The following KY variants were observed in gnomAD, a reference collection of about 807,000 sequenced individuals.
KY encodes the protein kyphoscoliosis peptidase.
KY carries 43 observed loss-of-function variants against 76.1 expected under a neutral mutation model. The ratio of observed to expected loss-of-function variants is 0.57; its 90% CI spans 0.44 to 0.73. The LOEUF (loss-of-function observed/expected upper bound fraction) is 0.73. Among genes scored for constraint, KY ranks in the 30% least tolerant of loss-of-function variants. The pLI is 0.00. For synonymous variants in KY, 277 were observed against 326.2 expected, an observed-to-expected ratio of 0.85 and a Z score of 1.63; for missense variants, 722 against 828.9, an observed-to-expected ratio of 0.87 and a Z score of 1.58.
intron 10 of KY, chr3:134,608,202 A>C (rs1959597313): frequency 8.5e-7 from 1 of 1,181,710 alleles, no homozygotes; most frequent in South Asian, 1.6e-5. Flanking sequence ...AGAACACAGC[A>C]GGCCAGTAGC....
intron 1 of KY, among the ~76,000 whole-genome samples, chr3:134,648,178 G>A (rs773520207): frequency 1.3e-5 from 2 of 152,312 alleles, no homozygotes; most frequent in African/African-American, 2.4e-5. Context: ...AGATCCTGGC[G>A]CGGAAGGAGT....
At position 134,629,666 on chromosome 3, in the gene KY, G is replaced by A. The variant is rs755018282; in HGVS notation, c.292C>T (p.Arg98Ter). Residue 98 changes from arginine to a stop codon, truncating the protein, a stop_gained, in exon 4 of 11, where the codon CGA becomes TGA. Transcript: ENST00000423778. LOFTEE classifies it high-confidence loss of function. ...GTQLTVEVHP[R>*]DAMPQLLKKF... ...TTGAGCAGCTGGGGCATGGCATCTC[G>A]AGGGTGGACTTCCACAGTCAGTTGT... 10 of 1,598,934 alleles carry A rather than the reference G, an allele frequency of 6.3e-6. No homozygotes were observed. The highest frequency in any genetic ancestry group is 1.1e-5 in the South Asian group (1 of 88,010).
chr3:134,650,450 G>C (rs373319390), intron 1 of KY, among the ~76,000 whole-genome samples: 66 of 152,300 alleles, frequency 4.3e-4, no homozygotes, highest in East Asian at 1.6e-3. Flanking sequence ...TGTGCTGTGG[G>C]GGGGAGCAGG....
chr3:134,614,393 A>G (rs748571226), intron 8 of KY, among the ~76,000 whole-genome samples: 41 of 152,232 alleles, frequency 2.7e-4, no homozygotes, highest in Admixed American at 2.0e-3. Context: ...CCAAGCCACA[A>G]TGAAAACATG....
At chr3:134,608,356 T>C (rs1413743472) in intron 10 of KY, 1 of 1,334,936 alleles carries the variant, frequency 7.5e-7, no homozygotes, top group East Asian at 4.0e-5. Context: ...GTGTTCAGCC[T>C]TCAAGTTCTA....
intron 1 of KY, among the ~76,000 whole-genome samples, chr3:134,647,890 G>C (rs765111274): frequency 6.6e-6 from 1 of 152,166 alleles, no homozygotes; most frequent in Non-Finnish European, 1.5e-5. Context: ...GATATAGAGT[G>C]GGGGGAGTGG....
At position 134,640,146 on chromosome 3, in the gene KY, A is replaced by C. The variant is rs557563279; in HGVS notation, c.262+3170T>G. Reference sequence around the variant, plus strand: ...TCTACCATTGAAAGAGAGGCTGAGGAGGAGAGAAAATGTTGAACCATTCCG... The same window carrying C: ...TCTACCATTGAAAGAGAGGCTGAGGCGGAGAGAAAATGTTGAACCATTCCG... On this transcript the variant is annotated intron_variant, in intron 3 of 10. Coordinates refer to ENST00000423778, the MANE Select transcript of KY (RefSeq NM_178554.6). 9.6e-5 allele frequency among the ~76,000 whole-genome samples: 14 copies of C among 146,200 alleles called. 1 individual carries two copies. Among genetic ancestry groups the C allele is most frequent in the African/African-American group, 3.5e-4 (14 of 40,326 alleles).
chr3:134,603,507 G>A lies in KY; in HGVS notation c.*72C>T, dbSNP rs1959058085. 2.2e-6 allele frequency: 3 copies of A among 1,391,812 alleles called. No individual in the cohort carries two copies. In the South Asian group the frequency reaches 4.2e-5, roughly 19 times the overall value. The allele number at this position is 1,391,812 out of a possible 1,614,324, so 86.2% of individuals were successfully genotyped here. The stretch of plus-strand genomic sequence containing the variant: ...GACTCAGTGGTGTCCAGGGCTCCCT[G>A]CACTTCCTTCGAGCCCTCCCTGGGG... On this transcript the variant is annotated 3_prime_UTR_variant, in exon 11 of 11. Coordinates refer to ENST00000423778, the MANE Select transcript of KY (RefSeq NM_178554.6).
intron 10 of KY, among the ~76,000 whole-genome samples, chr3:134,605,124 C>A (rs1433775747): frequency 1.3e-5 from 2 of 152,030 alleles, no homozygotes; most frequent in Non-Finnish European, 2.9e-5. Context: ...ACACTGCCAC[C>A]CCCCATCTCT....
At chr3:134,623,832 C>G (rs1963038356) in intron 6 of KY, among the ~76,000 whole-genome samples, 1 of 152,038 alleles carries the variant, frequency 6.6e-6, no homozygotes, top group Non-Finnish European at 1.5e-5. Context: ...GGAGCCCCTC[C>G]CTGGACCTTC....
chr3:134,643,385 A>G lies in KY; in HGVS notation c.200-7T>C. The G allele has an allele frequency of 6.2e-7, 1 of 1,613,698 alleles. No individual in the cohort carries two copies. Among genetic ancestry groups the G allele is most frequent in the Non-Finnish European group, 8.5e-7 (1 of 1,179,678 alleles). Reference sequence around the variant, plus strand: ...TGCTTCTCCACCAAGTTTTCTATTTAAGGAAGACAGAGAGGCCTGCAGTGA... The same window carrying G: ...TGCTTCTCCACCAAGTTTTCTATTTGAGGAAGACAGAGAGGCCTGCAGTGA... On this transcript the variant is annotated splice_region_variant and splice_polypyrimidine_tract_variant and intron_variant, in intron 2 of 10. Coordinates refer to ENST00000423778, the MANE Select transcript of KY (RefSeq NM_178554.6).
intron 3 of KY, among the ~76,000 whole-genome samples, chr3:134,637,452 T>C (rs148575880): frequency 4.5e-4 from 68 of 152,338 alleles, no homozygotes; most frequent in African/African-American, 1.5e-3. Flanking sequence ...TCCCCTCTCA[T>C]AGGTCACAAT....
intron 10 of KY, among the ~76,000 whole-genome samples, chr3:134,605,974 C>T (rs1016540968): frequency 6.6e-5 from 10 of 152,172 alleles, no homozygotes; most frequent in Admixed American, 3.3e-4. Context: ...TACATGCTTT[C>T]TCTACTGCCT....
chr3:134,620,919 A>C, intron 6 of KY, 62 bp from the exon 7 acceptor site: 2 of 965,970 alleles, frequency 2.1e-6, no homozygotes, highest in Non-Finnish European at 3.3e-6. Context: ...GGGGCCCAGC[A>C]TCTTGCACCT....
At chr3:134,612,719 A>G (rs964730712) in intron 8 of KY, among the ~76,000 whole-genome samples, 2 of 149,656 alleles carry the variant, frequency 1.3e-5, no homozygotes, top group African/African-American at 2.5e-5. Flanking sequence ...CAGCATGTCA[A>G]TCTCTCCAGT....
chr3:134,631,376 A>C (rs1336417007), intron 3 of KY, among the ~76,000 whole-genome samples: 1 of 152,344 alleles, frequency 6.6e-6, no homozygotes, highest in African/African-American at 2.4e-5. Context: ...TTGCTCCAAA[A>C]GAAATGCTAA....
chr3:134,603,898 A>G lies in KY; in HGVS notation c.1667T>C (p.Val556Ala), dbSNP rs771065630. The G allele has an allele frequency of 1.2e-6, 2 of 1,613,992 alleles. No individual in the cohort carries two copies. The highest frequency in any genetic ancestry group is 2.2e-5 in the South Asian group (2 of 91,082). Reference protein sequence around the residue: ...GNYIFVFNYLVCCANTKVNWP... With the variant: ...GNYIFVFNYLACCANTKVNWP... ...GTTCACCTTGGTGTTGGCACAGCAT[A>G]CAAGGTAATTAAAGACGAAGATGTA... Residue 556 changes from valine (V) to alanine (A), a missense_variant, in exon 11 of 11, where the codon GTA becomes GCA. By Grantham distance (64) the Val-to-Ala change is moderately conservative. This residue lies in a region of KY where 552 missense variants were observed against 680.9 expected (regional missense o/e 0.81). Transcript: ENST00000423778.
At chr3:134,643,678 TC>T (rs1206114065) in intron 2 of KY, among the ~76,000 whole-genome samples, 1 of 152,180 alleles carries the variant, frequency 6.6e-6, no homozygotes, top group African/African-American at 2.4e-5. Context: ...TAGCCATAAC[TC>T]CCAACTTTGG....
intron 3 of KY, among the ~76,000 whole-genome samples, chr3:134,632,664 C>T (rs1188794391): frequency 6.6e-6 from 1 of 151,638 alleles, no homozygotes; most frequent in African/African-American, 2.4e-5. Context: ...AGAAAGGTTT[C>T]AAATCAACAA....
Sources: gnomAD v4.1 joint callset for allele counts (sites outside exome capture counted in the v4.1 genomes callset) on GRCh38, gnomAD v4.1.1 for gene constraint, gnomAD v4.1.1 regional missense constraint, MANE v1.5 for transcripts, NCBI Gene and HGNC (gene_info 2026-07-23, HGNC 2026-07-21) for gene names.